The following SYBU variants were observed in gnomAD, a reference collection of about 807,000 sequenced individuals.
SYBU encodes the protein GOLSYN A protein.
Under a neutral mutation model 35.9 loss-of-function variants are expected in SYBU, and 21 were observed. That is an observed-to-expected ratio of 0.58 (90% CI 0.41 to 0.84). The LOEUF (loss-of-function observed/expected upper bound fraction) is 0.84. Among genes scored for constraint, SYBU ranks in the 40% least tolerant of loss-of-function variants. The pLI is 0.00. For synonymous variants in SYBU, 319 were observed against 324.3 expected (o/e 0.98, Z 0.18); for missense variants, 768 against 848.2 (o/e 0.91, Z 1.17).
intron 2 of SYBU, among the ~76,000 whole-genome samples, chr8:109,640,756 G>GTT (rs147018678): frequency 6.8e-5 from 9 of 132,074 alleles, no homozygotes; most frequent in African/African-American, 2.2e-4. Context: ...TTTTGATAGG[G>GTT]TTTTTTTTTT....
At chr8:109,577,736 G>C (rs1822509228) in intron 6 of SYBU, 132 bp downstream of exon 6, 31 of 1,010,778 alleles carry the variant, frequency 3.1e-5, no homozygotes, top group Non-Finnish European at 4.1e-5. Context: ...TTCAGAGGCT[G>C]ACTTTAAAAA....
chr8:109,621,720 C>G (rs998727542), intron 2 of SYBU, among the ~76,000 whole-genome samples: 1 of 152,086 alleles, frequency 6.6e-6, no homozygotes, highest in Non-Finnish European at 1.5e-5. Context: ...TGTAAACTGG[C>G]AAGTCTGATA....
rs761157517 is a variant in SYBU, at chr8:109,575,622, C to A, written c.1276G>T (p.Asp426Tyr). 6.2e-7 allele frequency: 1 copy of A among 1,614,154 alleles called. No individual in the cohort carries two copies. Among genetic ancestry groups the A allele is most frequent in the Admixed American group, 1.7e-5 (1 of 60,028 alleles). ...LEEQVTGEGA[D>Y]RELLVGDSIA... Reference sequence around the variant, plus strand: ...CTATCTCCTACCAGTAGCTCCCTGTCAGCCCCTTCCCCCGTGACCTGCTCT... The same window carrying A: ...CTATCTCCTACCAGTAGCTCCCTGTAAGCCCCTTCCCCCGTGACCTGCTCT... The change falls in exon 7 of 7, where the codon GAC becomes TAC. Residue 426 changes from aspartate to tyrosine, a missense_variant. By Grantham distance (160) the Asp-to-Tyr change is radical. Coordinates refer to ENST00000276646, the MANE Select transcript of SYBU (RefSeq NM_001099754.2).
intron 1 of SYBU, among the ~76,000 whole-genome samples, chr8:109,662,594 C>G (rs901638632): frequency 1.3e-5 from 2 of 152,200 alleles, no homozygotes; most frequent in Admixed American, 6.5e-5. Flanking sequence ...TATTTCCACA[C>G]TGGACCATAT....
intron 3 of SYBU, among the ~76,000 whole-genome samples, chr8:109,612,570 C>T (rs1416086398): frequency 6.6e-6 from 1 of 152,102 alleles, no homozygotes; most frequent in Non-Finnish European, 1.5e-5. Flanking sequence ...ATTTTTCTGC[C>T]TTCATATACA....
intron 2 of SYBU, among the ~76,000 whole-genome samples, chr8:109,638,920 T>A (rs1448551286): frequency 1.3e-5 from 2 of 152,150 alleles, no homozygotes; most frequent in Admixed American, 1.3e-4. Context: ...CCCAAATGAA[T>A]TGCAAAAGGT....
chr8:109,654,702 T>G (rs1816284659), intron 1 of SYBU, among the ~76,000 whole-genome samples: 1 of 152,226 alleles, frequency 6.6e-6, no homozygotes, highest in African/African-American at 2.4e-5. Flanking sequence ...ACAAACTCAC[T>G]ACATTCCAAA....
intron 1 of SYBU, among the ~76,000 whole-genome samples, chr8:109,650,271 A>G (rs965191405): frequency 6.6e-6 from 1 of 152,188 alleles, no homozygotes; most frequent in Non-Finnish European, 1.5e-5. Flanking sequence ...TAAAAACAAT[A>G]TGTTCTCCAT....
intron 2 of SYBU, among the ~76,000 whole-genome samples, chr8:109,638,623 A>G (rs1156776511): frequency 1.3e-5 from 2 of 152,174 alleles, no homozygotes; most frequent in African/African-American, 4.8e-5. Flanking sequence ...ACGTATTTTT[A>G]AAATAAAGCA....
At chr8:109,621,664 T>A (rs1479904343) in intron 2 of SYBU, among the ~76,000 whole-genome samples, 1 of 152,182 alleles carries the variant, frequency 6.6e-6, no homozygotes, top group Non-Finnish European at 1.5e-5. Flanking sequence ...AGTTTATAAA[T>A]AAGCCAAAAG....
intron 3 of SYBU, among the ~76,000 whole-genome samples, chr8:109,612,072 G>C (rs1811232598): frequency 6.6e-6 from 1 of 152,184 alleles, no homozygotes; most frequent in Non-Finnish European, 1.5e-5. Flanking sequence ...CCGCGGTTAA[G>C]AGTTAGGAGC....
intron 3 of SYBU, among the ~76,000 whole-genome samples, chr8:109,596,330 A>T (rs1037311229): frequency 1.4e-4 from 22 of 152,152 alleles, no homozygotes; most frequent in Non-Finnish European, 3.2e-4. Context: ...GGCTATCTTT[A>T]ATTTATTTAT....
rs888452942 is a variant in SYBU at position 109,611,041 on chromosome 8, C to G, written c.427+7801G>C. 2.0e-5 allele frequency among the ~76,000 whole-genome samples: 3 copies of G among 152,216 alleles called. No homozygotes were observed. In the South Asian group the frequency reaches 6.2e-4, roughly 32 times the overall value. On this transcript the variant is annotated intron_variant, in intron 3 of 6. Coordinates refer to ENST00000276646, the MANE Select transcript of SYBU (RefSeq NM_001099754.2). ...AACCTAAAGCATATATCTGCATGATCTACAATGCTTGGTTTAGAAGTCTGT... is the reference window on the plus strand; with the variant it reads ...AACCTAAAGCATATATCTGCATGATGTACAATGCTTGGTTTAGAAGTCTGT...
chr8:109,685,458 C>G (rs1027612341), upstream of SYBU, among the ~76,000 whole-genome samples: 4 of 152,186 alleles, frequency 2.6e-5, no homozygotes, highest in African/African-American at 9.6e-5. Flanking sequence ...ACTTTTTGTG[C>G]ACTCACTATG....
chr8:109,596,078 T>C lies in SYBU; in HGVS notation c.428-9916A>G, dbSNP rs542272563. Among the ~76,000 whole-genome samples the C allele has an allele frequency of 2.6e-5, 4 of 152,324 alleles. No individual in the cohort carries two copies. The East Asian group carries it at 7.7e-4, about 29-fold the overall frequency. On this transcript the variant is annotated intron_variant, in intron 3 of 6. Coordinates refer to ENST00000276646, the MANE Select transcript of SYBU (RefSeq NM_001099754.2). ...TTAATGGTCTACTGATCCGTGCCCT[T>C]CTTGATCTCCATTTAGAGGCTGAAC... is the stretch of plus-strand genomic sequence containing the variant.
intron 3 of SYBU, chr8:109,608,212 A>T (rs968658612): frequency 1.3e-4 from 57 of 424,134 alleles, no homozygotes; most frequent in African/African-American, 1.1e-3. Context: ...TCATGAATGG[A>T]CACAAAGGAT....
At chr8:109,680,545 T>C (rs1357043286) in intron 1 of SYBU, among the ~76,000 whole-genome samples, 1 of 147,848 alleles carries the variant, frequency 6.8e-6, no homozygotes, top group African/African-American at 2.7e-5. Context: ...TTTCTCCCGA[T>C]CATTTCTAAC....
intron 2 of SYBU, 41 bp downstream of exon 2, chr8:109,642,687 A>T: frequency 6.9e-7 from 1 of 1,455,022 alleles, no homozygotes; most frequent in African/African-American, 1.4e-5. Flanking sequence ...CCTGCAGTGC[A>T]CACGCTTCAC....
intron 3 of SYBU, among the ~76,000 whole-genome samples, chr8:109,605,475 C>CT (rs935437368): frequency 2.6e-5 from 4 of 152,160 alleles, no homozygotes; most frequent in African/African-American, 7.2e-5. Flanking sequence ...CCCCCTGCTC[C>CT]TTTTTTTCAT....
Sources: gnomAD v4.1 joint callset for allele counts (sites outside exome capture counted in the v4.1 genomes callset) on GRCh38, gnomAD v4.1.1 for gene constraint, MANE v1.5 for transcripts, NCBI Gene and HGNC (gene_info 2026-07-23, HGNC 2026-07-21) for gene names.